The following CYP4A22 variants were observed in gnomAD, a reference collection of about 807,000 sequenced individuals.
CYP4A22 encodes cytochrome P450 4A22.
In CYP4A22, 46 loss-of-function variants were observed where a neutral mutation model predicts 56.2. The ratio of observed to expected loss-of-function variants is 0.82; its 90% CI spans 0.65 to 1.05. The LOEUF (loss-of-function observed/expected upper bound fraction) is 1.05. Ranked by LOEUF, CYP4A22 falls within the 50% of genes least tolerant of loss-of-function variation. The pLI is 0.00. For synonymous variants in CYP4A22, 193 were observed against 251.1 expected, an observed-to-expected ratio of 0.77 and a Z score of 2.19; for missense variants, 541 against 645.9, an observed-to-expected ratio of 0.84 and a Z score of 1.76.
At position 47,144,423 on chromosome 1, in the gene CYP4A22, A is replaced by G. The variant is rs1342426426; in HGVS notation, c.857A>G (p.Lys286Arg). 2.5e-6 allele frequency: 4 copies of G among 1,613,860 alleles called. No homozygotes were observed. In the African/African-American group the frequency reaches 4.0e-5, roughly 16 times the overall value. ...GGGGAGCTGGAGAAGATCAAGAGGA[A>G]GAGGCACTTGGATTTTCTGGACATC... ...KEGELEKIKR[K>R]RHLDFLDILL... Residue 286 changes from lysine (K) to arginine (R), a missense_variant, in exon 7 of 12, where the codon AAG (lysine) becomes AGG (arginine). This residue lies in a region of CYP4A22 where 335 missense variants were observed against 361.2 expected (regional missense o/e 0.93). Coordinates refer to ENST00000371891, the MANE Select transcript of CYP4A22 (RefSeq NM_001010969.4).
chr1:47,146,004 A>G, intron 10 of CYP4A22, 73 bp from the exon 11 acceptor site: 1 of 1,613,978 alleles, frequency 6.2e-7, no homozygotes, highest in Non-Finnish European at 8.5e-7. Flanking sequence ...CACCTCTGGG[A>G]GTACTGTACC....
At chr1:47,146,356 T>C (rs1428990541) in intron 11 of CYP4A22, 1 of 1,435,274 alleles carries the variant, frequency 7.0e-7, no homozygotes, top group Non-Finnish European at 9.1e-7. Flanking sequence ...ATGGAGACTT[T>C]GCTCCCTCTG....
In CYP4A22 at chr1:47,143,924, C is replaced by T. The variant is rs1469179956; in HGVS notation, c.790+8C>T. 1 of 1,603,940 alleles carries T rather than the reference C, an allele frequency of 6.2e-7. No homozygotes were observed. The highest frequency in any genetic ancestry group is 8.5e-7 in the Non-Finnish European group (1 of 1,174,868). On this transcript the variant is annotated splice_region_variant and intron_variant, in intron 6 of 11. Transcript: ENST00000371891. ...TGGCCCATCAGCACACAGGTTCTGT[C>T]TCTTCCTCTTGTCTCCCAGCCTTTC...
Position 47,143,372 on chromosome 1 carries a change from A to C in CYP4A22, c.614A>C (p.Gln205Pro), listed in dbSNP as rs1015934282. Residue 205 changes from glutamine to proline, a missense_variant, in exon 5 of 12, where the codon CAG becomes CCG. Gln to Pro is a moderately conservative substitution (Grantham distance 76). This residue lies in a region of CYP4A22 where 335 missense variants were observed against 361.2 expected (regional missense o/e 0.93). Coordinates refer to ENST00000371891, the MANE Select transcript of CYP4A22 (RefSeq NM_001010969.4). ...DTIMKSAFSH[Q>P]GSIQVDRNSQ... ...ATCATGAAGAGTGCCTTCAGCCATC[A>C]GGGCAGCATCCAGGTGGACAGGTCA... is the stretch of plus-strand genomic sequence containing the variant. 6.2e-7 allele frequency: 1 copy of C among 1,613,662 alleles called. No homozygotes were observed. The highest frequency in any genetic ancestry group is 1.3e-5 in the African/African-American group (1 of 74,894).
chr1:47,137,768 G>C, intron 1 of CYP4A22, 88 bp downstream of exon 1: 2 of 1,493,886 alleles, frequency 1.3e-6, no homozygotes, highest in Non-Finnish European at 1.8e-6. Flanking sequence ...GCAAAGCCTT[G>C]TTTTGTAACA....
Position 47,143,779 on chromosome 1 carries a change from T to A in CYP4A22, c.653T>A (p.Ile218Asn), listed in dbSNP as rs748046944. 2 of 1,612,462 alleles carry A rather than the reference T, an allele frequency of 1.2e-6. No individual in the cohort carries two copies. Among genetic ancestry groups the A allele is most frequent in the Non-Finnish European group, 1.7e-6 (2 of 1,179,076 alleles). Residue 218 changes from isoleucine (I) to asparagine (N), a missense_variant, in exon 6 of 12, where the codon ATC (isoleucine) becomes AAC (asparagine). Around this residue, in one of 3 missense-constraint regions of CYP4A22, gnomAD observed 335 missense variants for 361.2 expected, o/e 0.93. Transcript: ENST00000371891. ...TCCCTCAGGAATTCTCAGTCCTACA[T>A]CCAGGCCATTAGTGACCTGAACAGC... ...IQVDRNSQSY[I>N]QAISDLNSLV... is the part of the protein sequence containing the mutation.
chr1:47,146,601 G>A (rs911904), intron 11 of CYP4A22: 235,123 of 1,020,904 alleles, frequency 0.23, 28,903 homozygotes, highest in East Asian at 0.55. Flanking sequence ...CTAGTCTGTC[G>A]TAGAGATGAA....
intron 11 of CYP4A22, 33 bp from the exon 12 acceptor site, chr1:47,148,569 C>T (rs779369317): frequency 6.3e-7 from 1 of 1,576,978 alleles, no homozygotes; most frequent in South Asian, 1.2e-5. Flanking sequence ...GGCCTGAGGA[C>T]ACGTCTCAAT....
intron 1 of CYP4A22, among the ~76,000 whole-genome samples, chr1:47,139,265 A>G (rs939748623): frequency 3.9e-5 from 6 of 152,206 alleles, no homozygotes; most frequent in African/African-American, 1.2e-4. Context: ...TCTTTTTTCT[A>G]TGGGCTATCC....
At chr1:47,143,944 C>G (rs775336205) in intron 6 of CYP4A22, 28 bp downstream of exon 6, 21 of 1,589,806 alleles carry the variant, frequency 1.3e-5, no homozygotes, top group Non-Finnish European at 1.7e-5. Context: ...TGTCTCCCAG[C>G]CTTTCCCAGG....
intron 1 of CYP4A22, among the ~76,000 whole-genome samples, chr1:47,138,442 A>T (rs1346727601): frequency 6.6e-6 from 1 of 152,100 alleles, no homozygotes; most frequent in Non-Finnish European, 1.5e-5. Context: ...CCTGGAGGTG[A>T]GCATGTCATC....
chr1:47,145,760 T>C, intron 9 of CYP4A22, 106 bp from the exon 10 acceptor site: 1 of 1,490,804 alleles, frequency 6.7e-7, no homozygotes, highest in Non-Finnish European at 9.2e-7. Context: ...AGTGACAATT[T>C]ATAGAAAGTA....
intron 9 of CYP4A22, 96 bp downstream of exon 9, chr1:47,145,066 G>A (rs2148558621): frequency 6.5e-7 from 1 of 1,532,494 alleles, no homozygotes; most frequent in Middle Eastern, 1.9e-4. Flanking sequence ...ACATCTCTGG[G>A]TCTCCCTTTT....
At chr1:47,146,339 G>A (rs1645076220) in intron 11 of CYP4A22, 186 bp downstream of exon 11, 1 of 1,478,002 alleles carries the variant, frequency 6.8e-7, no homozygotes, top group Admixed American at 2.4e-5. Flanking sequence ...GGCATTCAGA[G>A]CACCCCATGG....
chr1:47,147,509 G>A (rs754838313), intron 11 of CYP4A22: 54 of 868,782 alleles, frequency 6.2e-5, no homozygotes, highest in South Asian at 2.1e-4. Context: ...GACACACATC[G>A]TTCCATCAAC....
rs745354214 is a variant in CYP4A22 at position 47,144,358 on chromosome 1, C to A, written c.792C>A (p.Asp264Glu). The change falls in exon 7 of 12, where the codon GAC becomes GAA. Residue 264 changes from aspartate (D) to glutamate (E), a missense_variant and splice_region_variant. Asp to Glu is a conservative substitution (Grantham distance 45). Around this residue, in one of 3 missense-constraint regions of CYP4A22, gnomAD observed 335 missense variants for 361.2 expected, o/e 0.93. Coordinates refer to ENST00000371891, the MANE Select transcript of CYP4A22 (RefSeq NM_001010969.4). ...RACQLAHQHT[D>E]QVIQLRKAQL... ...CTGGTAACCATTGTTCTGGTACAGA[C>A]CAAGTGATCCAACTGAGGAAGGCTC... 6 of 1,613,862 alleles carry A rather than the reference C, an allele frequency of 3.7e-6. No individual in the cohort carries two copies. Among genetic ancestry groups the A allele is most frequent in the Non-Finnish European group, 4.2e-6 (5 of 1,179,810 alleles).
Position 47,137,652 on chromosome 1 carries a change from C to A in CYP4A22, c.167C>A (p.Ser56Tyr), listed in dbSNP as rs1319978192. The change falls in exon 1 of 12, where the codon TCC becomes TAC. Residue 56 changes from serine to tyrosine, a missense_variant. This residue lies in a region of CYP4A22 where 335 missense variants were observed against 361.2 expected (regional missense o/e 0.93). Transcript: ENST00000371891. ...CTCCAGCAGTTCCCGTGCCCTCCCT[C>A]CCACTGGCTCTTCGGGCACATCCAG... ...KALQQFPCPP[S>Y]HWLFGHIQEF... 27 of 1,613,296 alleles carry A rather than the reference C, an allele frequency of 1.7e-5. No individual in the cohort carries two copies. Among genetic ancestry groups the A allele is most frequent in the Non-Finnish European group, 2.3e-5 (27 of 1,179,488 alleles).
At position 47,149,648 on chromosome 1, in the gene CYP4A22, AC is replaced by A. The variant is rs1192341531; in HGVS notation, c.*853del. The stretch of plus-strand genomic sequence containing the variant: ...TGCCCTCCAGACTGTCTGCCCATAC[AC>A]CTGTCTCCTTCTTCCTGCCTGCTTG... On this transcript the variant is annotated 3_prime_UTR_variant, in exon 12 of 12. Coordinates refer to ENST00000371891, the MANE Select transcript of CYP4A22 (RefSeq NM_001010969.4). 6.6e-6 allele frequency: 1 copy of A among 151,788 alleles called. No homozygotes were observed. The highest frequency in any genetic ancestry group is 1.9e-4 in the East Asian group (1 of 5,158). The allele number at this position is 151,788 out of a possible 1,614,324, so 9.4% of individuals were successfully genotyped here.
intron 4 of CYP4A22, 78 bp downstream of exon 4, chr1:47,142,313 C>T (rs546917317): frequency 4.0e-4 from 599 of 1,511,188 alleles, no homozygotes; most frequent in Admixed American, 5.5e-4. Context: ...AACCCTGTGT[C>T]CCACAGGCAG....
Sources: gnomAD v4.1 joint callset for allele counts (sites outside exome capture counted in the v4.1 genomes callset) on GRCh38, gnomAD v4.1.1 for gene constraint, gnomAD v4.1.1 regional missense constraint, MANE v1.5 for transcripts, NCBI Gene and HGNC (gene_info 2026-07-23, HGNC 2026-07-21) for gene names.